TAF1: variants seen among roughly 807,000 people sequenced by gnomAD.
TAF1 encodes the protein TATA-box binding protein associated factor 1.
Under a neutral mutation model 138.5 loss-of-function variants are expected in TAF1, and 2 were observed. The observed-to-expected ratio is 0.01, with a 90% CI of 0.01 to 0.05. The LOEUF is 0.05. TAF1 is among the 10% of genes least tolerant of loss of function. The pLI, the probability that TAF1 is intolerant of heterozygous loss-of-function variation, is 1.00. For synonymous variants in TAF1, 437 were observed against 503.2 expected (o/e 0.87, Z 1.76); for missense variants, 709 against 1,478.0 (o/e 0.48, Z 8.53).
At chrX:71,433,345 C>T (rs1344981808) in intron 32 of TAF1, among the ~76,000 whole-genome samples, 3 of 111,513 alleles carry the variant, frequency 2.7e-5, no homozygotes, top group Admixed American at 9.6e-5. Flanking sequence ...AATGATTGTG[C>T]CAGGTGCATA....
chrX:71,475,475 C>T (rs2038962528), intron 13 of TAF1, among the ~76,000 whole-genome samples: 1 of 107,907 alleles, frequency 9.3e-6, no homozygotes, highest in Non-Finnish European at 1.9e-5. Context: ...GTCCCAGTTA[C>T]TCAGGAGGCT....
Position 71,367,545 on chromosome X carries a change from G to T in TAF1, c.167G>T (p.Ser56Ile). The change falls in exon 2 of 38, where the codon AGC becomes ATC. Residue 56 changes from serine (S) to isoleucine (I), a missense_variant. By Grantham distance (142) the Ser-to-Ile change is moderately radical. Coordinates refer to ENST00000423759, the MANE Select transcript of TAF1 (RefSeq NM_004606.5). ...GGCTTGGGGGCTTTGGGGCTGGGCA[G>T]CCTGATCACTGAACTCACGGCAAAT... ...LAGLGALGLG[S>I]LITELTANEE... The T allele has an allele frequency of 1.7e-6, 2 of 1,211,937 alleles. No homozygotes were observed. The highest frequency in any genetic ancestry group is 4.3e-5 in the Admixed American group (2 of 45,993).
chrX:71,458,747 A>T (rs909669970), intron 35 of TAF1, among the ~76,000 whole-genome samples: 1 of 112,173 alleles, frequency 8.9e-6, no homozygotes. Context: ...ATTAAATTTT[A>T]AAAATTGGCC....
intron 32 of TAF1, among the ~76,000 whole-genome samples, chrX:71,448,336 A>C (rs776608950): frequency 8.9e-6 from 1 of 112,026 alleles, no homozygotes; most frequent in Non-Finnish European, 1.9e-5. Context: ...ACTTTTAGTA[A>C]GCTCCTGATT....
At chrX:71,386,849 G>A (rs771964910) in intron 14 of TAF1, among the ~76,000 whole-genome samples, 10 of 112,884 alleles carry the variant, frequency 8.9e-5, no homozygotes, top group Non-Finnish European at 1.9e-4. Context: ...TGGGGTCTAG[G>A]GTAGTAGTAT....
intron 13 of TAF1, among the ~76,000 whole-genome samples, chrX:71,481,007 G>A (rs186596628): frequency 1.2e-3 from 140 of 112,460 alleles, no homozygotes; most frequent in Non-Finnish European, 2.3e-3. Context: ...GGCTGGGCGC[G>A]GTGGCTCACG....
At chrX:71,520,657 C>T (rs1184156198) in intron 13 of TAF1, among the ~76,000 whole-genome samples, 6 of 54,541 alleles carry the variant, frequency 1.1e-4, no homozygotes, top group African/African-American at 4.2e-4. Context: ...TGCACTCCAG[C>T]CTGGGCGACA....
chrX:71,451,370 ATAAAG>A lies in TAF1; in HGVS notation c.4754-2796_4754-2792del, dbSNP rs2037952123. ...AAGAAATAAATGTAAAAGAGTGTTT[ATAAAG>A]TAATTTGGGAAATTTGACTCTTGGC... is the stretch of plus-strand genomic sequence containing the variant. On this transcript the variant is annotated intron_variant, in intron 32 of 37. Coordinates refer to ENST00000423759, the MANE Select transcript of TAF1 (RefSeq NM_004606.5). Among the ~76,000 whole-genome samples the A allele has an allele frequency of 2.7e-5, 3 of 112,347 alleles. No individual in the cohort carries two copies. The Admixed American group carries it at 2.8e-4, about 11-fold the overall frequency.
intron 32 of TAF1, among the ~76,000 whole-genome samples, chrX:71,426,743 T>C (rs1346169368): frequency 9.2e-6 from 1 of 108,746 alleles, no homozygotes; most frequent in African/African-American, 3.3e-5. Context: ...GAGACAGTGT[T>C]GGGGTTGCAG....
intron 13 of TAF1, among the ~76,000 whole-genome samples, chrX:71,503,328 GTA>G (rs758040656): frequency 0.014 from 1,229 of 88,702 alleles, 18 homozygotes; most frequent in African/African-American, 0.036. Context: ...ATATGTGTGT[GTA>G]TATATATATA....
chrX:71,468,774 T>C (rs111471729), downstream of TAF1, among the ~76,000 whole-genome samples: 5,756 of 108,489 alleles, frequency 0.053, 326 homozygotes, highest in African/African-American at 0.17. Flanking sequence ...GGGCAGGTCA[T>C]TTGAGCCCAG....
chrX:71,491,058 T>A (rs898576370), intron 13 of TAF1: 2 of 100,792 alleles, frequency 2.0e-5, no homozygotes, highest in African/African-American at 7.3e-5. Flanking sequence ...TTTTTTTTTT[T>A]TTTTTTTTTT....
chrX:71,389,504 G>C (rs1245067251), intron 17 of TAF1, 81 bp from the exon 18 acceptor site: 3 of 797,906 alleles, frequency 3.8e-6, no homozygotes, highest in Non-Finnish European at 5.5e-6. Flanking sequence ...TTGGTATTCT[G>C]TACTTGTATT....
intron 13 of TAF1, among the ~76,000 whole-genome samples, chrX:71,471,461 CTTTT>C (rs1279972405): frequency 1.1e-5 from 1 of 87,328 alleles, no homozygotes. Context: ...GAAATGGTCA[CTTTT>C]TTTTTTTTTT....
intron 32 of TAF1, among the ~76,000 whole-genome samples, chrX:71,451,689 T>A (rs2037973673): frequency 9.1e-6 from 1 of 109,895 alleles, no homozygotes; most frequent in South Asian, 3.9e-4. Flanking sequence ...TTAAGGAGCA[T>A]GCTGCCTTCA....
intron 13 of TAF1, among the ~76,000 whole-genome samples, chrX:71,481,338 AAG>A (rs779235220): frequency 3.4e-3 from 384 of 112,298 alleles, no homozygotes; most frequent in African/African-American, 0.012. Context: ...GACAGATAAA[AAG>A]AGTTATTTAA....
At position 71,401,266 on chromosome X, in the gene TAF1, T is replaced by C. The variant is rs28382183; in HGVS notation, c.3787-262T>C. ...CTGACTTTGTTTTTCCCATCTTGTA[T>C]GTACAGTTGAGCTTTGAACAACATA... On this transcript the variant is annotated intron_variant, in intron 24 of 37. Transcript: ENST00000423759. Among the ~76,000 whole-genome samples, 335 of 111,744 alleles carry C rather than the reference T, an allele frequency of 3.0e-3. 3 individuals carry two copies. Among genetic ancestry groups the C allele is most frequent in the Middle Eastern group, 0.014 (3 of 218 alleles).
Position 71,397,488 on chromosome X carries a change from CT to C in TAF1, c.3620+30del, listed in dbSNP as rs762251256. On this transcript the variant is annotated intron_variant, in intron 23 of 37. Coordinates refer to ENST00000423759, the MANE Select transcript of TAF1 (RefSeq NM_004606.5). Reference sequence around the variant, plus strand: ...TCATGTGAGTTTGATTTACCACTTCCTTTTTTTTCTTTGAGGACAGAGTCTT... The same window carrying C: ...TCATGTGAGTTTGATTTACCACTTCCTTTTTTTCTTTGAGGACAGAGTCTT... 121 of 1,206,223 alleles carry C rather than the reference CT, an allele frequency of 1.0e-4. No homozygotes were observed. The African/African-American group carries it at 1.9e-3, about 19-fold the overall frequency.
intron 5 of TAF1, among the ~76,000 whole-genome samples, 190 bp downstream of exon 5, chrX:71,377,381 A>G (rs1225821937): frequency 9.0e-6 from 1 of 111,723 alleles, no homozygotes; most frequent in African/African-American, 3.3e-5. Context: ...AATGTGATTT[A>G]TGCTGTTCTC....
Sources: gnomAD v4.1 joint callset for allele counts (sites outside exome capture counted in the v4.1 genomes callset) on GRCh38, gnomAD v4.1.1 for gene constraint, MANE v1.5 for transcripts, NCBI Gene and HGNC (gene_info 2026-07-23, HGNC 2026-07-21) for gene names.